MAF: variants seen among roughly 807,000 people sequenced by gnomAD.
MAF encodes transcription factor Maf.
MAF carries 10 observed loss-of-function variants against 22.0 expected under a neutral mutation model. The observed-to-expected ratio is 0.45, with a 90% CI of 0.28 to 0.77. The LOEUF (loss-of-function observed/expected upper bound fraction) is 0.77. Ranked by LOEUF, MAF falls within the 30% of genes least tolerant of loss-of-function variation. The pLI is 0.12. For missense variants in MAF, 544 were observed against 548.4 expected, an observed-to-expected ratio of 0.99 and a Z score of 0.08; for synonymous variants, 337 against 255.8, an observed-to-expected ratio of 1.32 and a Z score of -3.03.
the MAF span, among the ~76,000 whole-genome samples, chr16:79,328,110 G>T: frequency 6.6e-6 from 1 of 152,164 alleles, no homozygotes; most frequent in Non-Finnish European, 1.5e-5. Flanking sequence ...CCTGCAGCAT[G>T]CATTAAGAAA....
At chr16:79,268,527 T>C in the MAF span, among the ~76,000 whole-genome samples, 1 of 152,204 alleles carries the variant, frequency 6.6e-6, no homozygotes, top group East Asian at 1.9e-4. Context: ...GTGACCACCT[T>C]TCCCCACAGT....
the MAF span, among the ~76,000 whole-genome samples, chr16:79,326,381 T>A: frequency 2.0e-5 from 3 of 152,206 alleles, no homozygotes; most frequent in Non-Finnish European, 4.4e-5. Context: ...TGAACAGGGT[T>A]CTACCCCCAT....
At chr16:79,499,576 T>A in the MAF span, among the ~76,000 whole-genome samples, 1 of 152,158 alleles carries the variant, frequency 6.6e-6, no homozygotes, top group Non-Finnish European at 1.5e-5. Context: ...GGGGTCATCA[T>A]GAATGGGGTT....
chr16:79,253,100 C>T, the MAF span, among the ~76,000 whole-genome samples: 6 of 152,142 alleles, frequency 3.9e-5, no homozygotes, highest in Non-Finnish European at 5.9e-5. Flanking sequence ...TATAATTACC[C>T]GGTCCTCCTG....
the MAF span, among the ~76,000 whole-genome samples, chr16:79,271,285 G>C: frequency 2.0e-5 from 3 of 146,730 alleles, no homozygotes; most frequent in Admixed American, 7.0e-5. Flanking sequence ...ACAGATAGGA[G>C]AGTACACACC....
At chr16:79,519,166 A>G in the MAF span, among the ~76,000 whole-genome samples, 2 of 152,140 alleles carry the variant, frequency 1.3e-5, no homozygotes, top group Non-Finnish European at 2.9e-5. Context: ...TCCTTTGTAC[A>G]TGGAGAACCA....
the MAF span, among the ~76,000 whole-genome samples, chr16:79,293,330 A>C: frequency 0.53 from 80,853 of 152,056 alleles, 24,220 homozygotes; most frequent in Non-Finnish European, 0.66. Flanking sequence ...GACCTCACTC[A>C]CATGGGCAAA....
the MAF span, among the ~76,000 whole-genome samples, chr16:79,535,425 G>C: frequency 6.6e-6 from 1 of 150,520 alleles, no homozygotes; most frequent in Non-Finnish European, 1.5e-5. Flanking sequence ...ATGGGTCATG[G>C]CAAATTACAG....
chr16:79,591,833 A>C (rs1913206791), downstream of MAF, among the ~76,000 whole-genome samples: 1 of 152,202 alleles, frequency 6.6e-6, no homozygotes, highest in Non-Finnish European at 1.5e-5. Context: ...CTGGTCCAAA[A>C]TGTCACCATT....
chr16:79,487,502 T>C, the MAF span, among the ~76,000 whole-genome samples: 1 of 152,180 alleles, frequency 6.6e-6, no homozygotes, highest in Admixed American at 6.5e-5. Context: ...CCTAAATGAT[T>C]GAAAGAAGGC....
chr16:79,416,499 C>CAACA, the MAF span, among the ~76,000 whole-genome samples: 1 of 140,010 alleles, frequency 7.1e-6, no homozygotes, highest in African/African-American at 2.6e-5. Context: ...GGTTAAATTG[C>CAACA]AAAAAAAAAA....
chr16:79,396,499 C>T, the MAF span, among the ~76,000 whole-genome samples: 2 of 152,170 alleles, frequency 1.3e-5, no homozygotes, highest in Non-Finnish European at 2.9e-5. Context: ...CTCCTTGACC[C>T]ACTAACAATA....
the MAF span, among the ~76,000 whole-genome samples, chr16:79,410,586 G>A: frequency 6.6e-6 from 1 of 152,294 alleles, no homozygotes; most frequent in East Asian, 1.9e-4. Flanking sequence ...TGATCTCAAG[G>A]AGCTGCTCAC....
the MAF span, among the ~76,000 whole-genome samples, chr16:79,220,688 C>G: frequency 7.2e-5 from 11 of 152,208 alleles, no homozygotes; most frequent in Middle Eastern, 3.4e-3. Context: ...TTCTTAACAT[C>G]AGTTCCAAGG....
chr16:79,394,142 T>C, the MAF span, among the ~76,000 whole-genome samples: 1 of 152,086 alleles, frequency 6.6e-6, no homozygotes, highest in Non-Finnish European at 1.5e-5. Context: ...GCAAAATAAA[T>C]CAAAAGTCCA....
the MAF span, among the ~76,000 whole-genome samples, chr16:79,387,530 A>G: frequency 6.6e-6 from 1 of 152,126 alleles, no homozygotes; most frequent in African/African-American, 2.4e-5. Flanking sequence ...TGAATAGTCA[A>G]TGCTTGTTGG....
chr16:79,273,057 G>A, the MAF span, among the ~76,000 whole-genome samples: 738 of 152,336 alleles, frequency 4.8e-3, 8 homozygotes, highest in Non-Finnish European at 8.4e-3. Flanking sequence ...ATAATACAAT[G>A]TGGGAAAATT....
At chr16:79,262,845 G>A in the MAF span, among the ~76,000 whole-genome samples, 24 of 152,274 alleles carry the variant, frequency 1.6e-4, no homozygotes, top group Non-Finnish European at 3.1e-4. Flanking sequence ...GTGGGTGAAC[G>A]GTATTGAAGG....
chr16:79,357,957 G>T, the MAF span, among the ~76,000 whole-genome samples: 2 of 152,328 alleles, frequency 1.3e-5, no homozygotes, highest in Middle Eastern at 6.8e-3. Context: ...CTTAGTTCAA[G>T]TACAGAACAA....
Sources: allele counts gnomAD v4.1 joint callset (sites outside exome capture counted in the v4.1 genomes callset), GRCh38; gene constraint gnomAD v4.1.1; transcripts MANE v1.5; gene names NCBI Gene and HGNC (gene_info 2026-07-23, HGNC 2026-07-21).